Variants in CCDC178 observed in about 807,000 individuals in gnomAD.
CCDC178 encodes coiled-coil domain containing 178.
A neutral mutation model predicts 117.4 loss-of-function variants in CCDC178; 126 were observed. The ratio of observed to expected loss-of-function variants is 1.07; its 90% CI spans 0.93 to 1.24. The LOEUF is 1.24. Among genes scored for constraint, CCDC178 ranks in the 50% most tolerant of loss-of-function variants. The pLI is 0.00. For missense variants in CCDC178, 1,030 were observed against 986.9 expected (o/e 1.04, Z -0.59); for synonymous variants, 283 against 313.4 (o/e 0.90, Z 1.02).
chr18:33,177,545 A>G (rs2058677994), intron 20 of CCDC178, among the ~76,000 whole-genome samples: 1 of 151,862 alleles, frequency 6.6e-6, no homozygotes. Context: ...ACACATTAAC[A>G]TTTCTTCCTC....
intron 21 of CCDC178, among the ~76,000 whole-genome samples, chr18:33,013,732 T>G (rs1002998644): frequency 2.8e-4 from 42 of 152,224 alleles, no homozygotes; most frequent in African/African-American, 9.6e-4. Flanking sequence ...GTATTTCACT[T>G]AAGTGTCAAT....
rs1475555588 is a variant in CCDC178, at chr18:33,169,932, C to T, written c.2238+41964G>A. 3.3e-5 allele frequency among the ~76,000 whole-genome samples: 5 copies of T among 152,142 alleles called. No homozygotes were observed. The East Asian group carries it at 5.8e-4, about 18-fold the overall frequency. ...CACCAGCTTACATAGCAAGCAAGAC[C>T]TTCCTCAGTTTTCTCAATCTCTGCT... On this transcript the variant is annotated intron_variant, in intron 20 of 22. Coordinates refer to ENST00000383096, the MANE Select transcript of CCDC178 (RefSeq NM_001105528.4).
intron 14 of CCDC178, among the ~76,000 whole-genome samples, chr18:33,255,956 G>A (rs1253690414): frequency 7.2e-6 from 1 of 138,936 alleles, no homozygotes; most frequent in Non-Finnish European, 1.6e-5. Flanking sequence ...AAATGCTTGG[G>A]TAACATGTAG....
At chr18:33,126,953 C>A (rs2144237659) in intron 20 of CCDC178, among the ~76,000 whole-genome samples, 2 of 149,172 alleles carry the variant, frequency 1.3e-5, no homozygotes, top group Admixed American at 1.3e-4. Context: ...CTGTGCCTGG[C>A]TGCAACTACT....
At chr18:33,369,780 T>C (rs1009493689) in intron 6 of CCDC178, among the ~76,000 whole-genome samples, 1 of 151,936 alleles carries the variant, frequency 6.6e-6, no homozygotes, top group Non-Finnish European at 1.5e-5. Flanking sequence ...AGTTGGCTTA[T>C]GGAAATTACT....
chr18:33,260,437 G>A (rs1020079726), intron 14 of CCDC178, among the ~76,000 whole-genome samples: 1 of 150,086 alleles, frequency 6.7e-6, no homozygotes, highest in Non-Finnish European at 1.5e-5. Context: ...AATTATTTTT[G>A]TTATTTTATA....
chr18:33,327,220 G>T (rs1402744229), intron 10 of CCDC178, among the ~76,000 whole-genome samples: 2 of 152,022 alleles, frequency 1.3e-5, no homozygotes, highest in East Asian at 3.9e-4. Context: ...GACCTTTTGT[G>T]TCTACCTTCT....
At chr18:33,197,640 A>AAAAC (rs1296263843) in intron 20 of CCDC178, among the ~76,000 whole-genome samples, 1 of 151,500 alleles carries the variant, frequency 6.6e-6, no homozygotes, top group Non-Finnish European at 1.5e-5. Context: ...AAAAAAAAAA[A>AAAAC]TACTTATGCT....
At chr18:33,283,954 C>T (rs57381173) in intron 12 of CCDC178, among the ~76,000 whole-genome samples, 12 of 152,268 alleles carry the variant, frequency 7.9e-5, no homozygotes, top group South Asian at 2.1e-4. Flanking sequence ...CACATGTGTA[C>T]GTATGTTCAT....
chr18:33,191,390 A>G (rs2058856359), intron 20 of CCDC178, among the ~76,000 whole-genome samples: 1 of 152,190 alleles, frequency 6.6e-6, no homozygotes, highest in Non-Finnish European at 1.5e-5. Context: ...CATATATTTT[A>G]TAAGAAGTCA....
At chr18:33,073,336 TACC>T (rs2057142469) in intron 21 of CCDC178, among the ~76,000 whole-genome samples, 1 of 151,986 alleles carries the variant, frequency 6.6e-6, no homozygotes, top group Non-Finnish European at 1.5e-5. Flanking sequence ...GATGTGAAAA[TACC>T]TTAATTTTCA....
At chr18:33,197,676 T>C (rs1263129314) in intron 20 of CCDC178, among the ~76,000 whole-genome samples, 3 of 151,886 alleles carry the variant, frequency 2.0e-5, no homozygotes, top group African/African-American at 7.3e-5. Flanking sequence ...CAACTTAGAA[T>C]TGCCAAAGCT....
chr18:33,426,295 C>T (rs2064124309), intron 2 of CCDC178, among the ~76,000 whole-genome samples: 1 of 152,122 alleles, frequency 6.6e-6, no homozygotes, highest in African/African-American at 2.4e-5. Context: ...CCTTTAGTAA[C>T]ATTAGCTTGT....
intron 20 of CCDC178, among the ~76,000 whole-genome samples, chr18:33,121,454 T>C (rs2057936321): frequency 6.6e-6 from 1 of 152,062 alleles, no homozygotes; most frequent in Admixed American, 6.6e-5. Flanking sequence ...TATTAATACA[T>C]AGGTGGATAG....
intron 12 of CCDC178, among the ~76,000 whole-genome samples, chr18:33,284,816 C>G (rs56675518): frequency 6.6e-6 from 1 of 151,780 alleles, no homozygotes; most frequent in African/African-American, 2.4e-5. Flanking sequence ...TATGTGAGAA[C>G]GCAAGGAGAG....
chr18:33,000,942 A>C (rs2055617827), intron 21 of CCDC178, among the ~76,000 whole-genome samples: 1 of 152,230 alleles, frequency 6.6e-6, no homozygotes, highest in African/African-American at 2.4e-5. Flanking sequence ...CTGTAATTGT[A>C]GTGTGTAAAG....
At chr18:33,289,751 T>C (rs1462433172) in intron 12 of CCDC178, among the ~76,000 whole-genome samples, 6 of 152,180 alleles carry the variant, frequency 3.9e-5, no homozygotes, top group African/African-American at 1.2e-4. Context: ...AAACATTTAT[T>C]GTGTAAATTA....
At chr18:33,349,469 A>C (rs181538718) in intron 7 of CCDC178, among the ~76,000 whole-genome samples, 3 of 152,066 alleles carry the variant, frequency 2.0e-5, no homozygotes, top group African/African-American at 4.8e-5. Flanking sequence ...AACATTGATT[A>C]TCATAGAAAG....
intron 21 of CCDC178, among the ~76,000 whole-genome samples, chr18:33,066,537 A>C (rs139332350): frequency 6.6e-6 from 1 of 152,226 alleles, no homozygotes. Context: ...TAAATTCCTC[A>C]CTTAAAAGAC....
Sources: allele counts gnomAD v4.1 joint callset (sites outside exome capture counted in the v4.1 genomes callset), GRCh38; gene constraint gnomAD v4.1.1; transcripts MANE v1.5; gene names NCBI Gene and HGNC (gene_info 2026-07-23, HGNC 2026-07-21).